Variants in SREK1IP1 observed in about 807,000 individuals in gnomAD.
The protein encoded by SREK1IP1 is protein SREK1IP1.
A neutral mutation model predicts 22.8 loss-of-function variants in SREK1IP1; 12 were observed. The ratio of observed to expected loss-of-function variants is 0.53; its 90% CI spans 0.34 to 0.85. The LOEUF (loss-of-function observed/expected upper bound fraction) is 0.85, where lower values mean the gene tolerates loss of function less well. Ranked by LOEUF, SREK1IP1 falls within the 40% of genes least tolerant of loss-of-function variation. The pLI, the probability that SREK1IP1 is intolerant of heterozygous loss-of-function variation, is 0.02. For synonymous variants in SREK1IP1, 53 were observed against 52.7 expected, an observed-to-expected ratio of 1.01 and a Z score of -0.02; for missense variants, 147 against 171.8, an observed-to-expected ratio of 0.86 and a Z score of 0.81.
Position 64,741,014 on chromosome 5 carries a change from C to G in SREK1IP1, c.205+43G>C, listed in dbSNP as rs1178031232. 8 of 1,550,092 alleles carry G rather than the reference C, an allele frequency of 5.2e-6. No homozygotes were observed. The Admixed American group carries it at 1.4e-4, about 27-fold the overall frequency. On this transcript the variant is annotated intron_variant, in intron 3 of 4. Coordinates refer to ENST00000513458, the MANE Select transcript of SREK1IP1 (RefSeq NM_173829.4). Reference sequence around the variant, plus strand: ...GAAAGCATGATATAATATGACAGAACATTTACAAACATTTCTAAAGAATGG... The same window carrying G: ...GAAAGCATGATATAATATGACAGAAGATTTACAAACATTTCTAAAGAATGG...
chr5:64,718,353 T>A lies in SREK1IP1; in HGVS notation c.*6031A>T, dbSNP rs965948990. 3.3e-5 allele frequency: 6 copies of A among 179,710 alleles called. No individual in the cohort carries two copies. Among genetic ancestry groups the A allele is most frequent in the African/African-American group, 7.1e-5 (3 of 42,092 alleles). The allele number at this position is 179,710 out of a possible 1,614,324, so 11.1% of individuals were successfully genotyped here. On this transcript the variant is annotated 3_prime_UTR_variant, in exon 5 of 5. Transcript: ENST00000513458. ...AGAAGTTTATGTCACATTACCAGCA[T>A]TTCTCAACTTTCTGATACTTACAGG... is the stretch of plus-strand genomic sequence containing the variant.
intron 1 of SREK1IP1, among the ~76,000 whole-genome samples, chr5:64,756,175 C>A (rs886825258): frequency 6.6e-6 from 1 of 152,084 alleles, no homozygotes; most frequent in African/African-American, 2.4e-5. Context: ...AAATAACATA[C>A]AATTTACCAT....
chr5:64,763,667 C>T (rs964024783), intron 1 of SREK1IP1, among the ~76,000 whole-genome samples: 4 of 152,206 alleles, frequency 2.6e-5, no homozygotes, highest in Non-Finnish European at 5.9e-5. Flanking sequence ...ACTATTTCTG[C>T]TCAGCAGCAG....
At chr5:64,756,244 A>G (rs1205673283) in intron 1 of SREK1IP1, among the ~76,000 whole-genome samples, 1 of 152,212 alleles carries the variant, frequency 6.6e-6, no homozygotes, top group Non-Finnish European at 1.5e-5. Flanking sequence ...ATATTGTACA[A>G]CCATCATCAC....
chr5:64,744,515 A>C (rs1742600709), intron 2 of SREK1IP1, among the ~76,000 whole-genome samples: 1 of 152,134 alleles, frequency 6.6e-6, no homozygotes, highest in African/African-American at 2.4e-5. Context: ...GGTAACTAGG[A>C]TACCCACCAC....
rs748734874 is a variant in SREK1IP1, at chr5:64,724,536, T to C, written c.316A>G (p.Lys106Glu). Residue 106 changes from lysine to glutamate, a missense_variant, in exon 5 of 5, where the codon AAA becomes GAA. Physicochemically the swap from Lys to Glu is moderately conservative, Grantham distance 56 (BLOSUM62 1). Transcript: ENST00000513458. ...SSSSTEEDTS[K>E]QKKQKYQKKE... The stretch of plus-strand genomic sequence containing the variant: ...TTCTGATATTTTTGTTTCTTTTGTT[T>C]TGAAGTGTCCTCTTCAGTGGAACTG... The C allele has an allele frequency of 2.5e-6, 4 of 1,586,918 alleles. No homozygotes were observed. Among genetic ancestry groups the C allele is most frequent in the Non-Finnish European group, 3.4e-6 (4 of 1,173,382 alleles).
At chr5:64,744,688 G>A (rs1030466924) in intron 2 of SREK1IP1, among the ~76,000 whole-genome samples, 6 of 152,052 alleles carry the variant, frequency 3.9e-5, no homozygotes, top group Admixed American at 2.6e-4. Flanking sequence ...TTAGTTTTAT[G>A]TGTAGTTTTA....
intron 1 of SREK1IP1, among the ~76,000 whole-genome samples, chr5:64,766,261 A>G (rs970560674): frequency 6.6e-6 from 1 of 152,176 alleles, no homozygotes; most frequent in Non-Finnish European, 1.5e-5. Flanking sequence ...CAAGCCCCAG[A>G]CTGGATGTCA....
chr5:64,750,884 C>T (rs1361988655), intron 2 of SREK1IP1, among the ~76,000 whole-genome samples: 1 of 151,972 alleles, frequency 6.6e-6, no homozygotes, highest in Non-Finnish European at 1.5e-5. Flanking sequence ...CAGTCTATAC[C>T]AACATTTTAT....
intron 1 of SREK1IP1, among the ~76,000 whole-genome samples, chr5:64,761,067 A>G (rs1252027545): frequency 6.6e-6 from 1 of 152,246 alleles, no homozygotes; most frequent in Non-Finnish European, 1.5e-5. Flanking sequence ...TAAATTCTTC[A>G]GAGAGGTTAC....
In SREK1IP1 at chr5:64,722,581, T is replaced by C. The variant is rs919402004; in HGVS notation, c.*1803A>G. On this transcript the variant is annotated 3_prime_UTR_variant, in exon 5 of 5. Coordinates refer to ENST00000513458, the MANE Select transcript of SREK1IP1 (RefSeq NM_173829.4). Reference sequence around the variant, plus strand: ...AAAGCTTTATATTAAAAACCGATTTTTAAAATCTTGATAATCGAAGAATAT... The same window carrying C: ...AAAGCTTTATATTAAAAACCGATTTCTAAAATCTTGATAATCGAAGAATAT... 2.6e-5 allele frequency: 4 copies of C among 152,228 alleles called. No homozygotes were observed. Among genetic ancestry groups the C allele is most frequent in the African/African-American group, 4.8e-5 (2 of 41,454 alleles). 9.4% of individuals were successfully genotyped at this position (152,228 alleles called of 1,614,324 possible).
At chr5:64,758,742 C>T (rs189527514) in intron 1 of SREK1IP1, among the ~76,000 whole-genome samples, 109 of 152,312 alleles carry the variant, frequency 7.2e-4, no homozygotes, top group African/African-American at 2.3e-3. Context: ...ACAAAAGGCA[C>T]TGATAAATTC....
At chr5:64,746,563 G>A (rs1380265389) in intron 2 of SREK1IP1, among the ~76,000 whole-genome samples, 1 of 152,082 alleles carries the variant, frequency 6.6e-6, no homozygotes, top group East Asian at 1.9e-4. Flanking sequence ...AATACAAATG[G>A]TGAATAAGCA....
At chr5:64,759,110 G>A (rs995772985) in intron 1 of SREK1IP1, among the ~76,000 whole-genome samples, 3 of 152,166 alleles carry the variant, frequency 2.0e-5, no homozygotes, top group Non-Finnish European at 4.4e-5. Context: ...GGCAGTAGCA[G>A]CCCTAACCAG....
chr5:64,751,732 G>T (rs1436120902), intron 2 of SREK1IP1, among the ~76,000 whole-genome samples: 2 of 152,192 alleles, frequency 1.3e-5, no homozygotes, highest in Non-Finnish European at 2.9e-5. Flanking sequence ...GAGAATTAAT[G>T]ATAAATTTCT....
chr5:64,733,965 G>A (rs1440404614), intron 3 of SREK1IP1, among the ~76,000 whole-genome samples: 3 of 152,034 alleles, frequency 2.0e-5, no homozygotes, highest in Non-Finnish European at 4.4e-5. Flanking sequence ...GCTTAGGAAC[G>A]TGGTGAGGGC....
intron 1 of SREK1IP1, among the ~76,000 whole-genome samples, chr5:64,759,515 A>T (rs1742908747): frequency 6.6e-6 from 1 of 152,198 alleles, no homozygotes; most frequent in African/African-American, 2.4e-5. Flanking sequence ...AAAACTTATA[A>T]ATTTGACATT....
intron 2 of SREK1IP1, among the ~76,000 whole-genome samples, chr5:64,745,131 T>G (rs945182773): frequency 6.6e-6 from 1 of 152,234 alleles, no homozygotes. Flanking sequence ...TTGAGCTCAT[T>G]TTCTTGTCTA....
intron 1 of SREK1IP1, among the ~76,000 whole-genome samples, chr5:64,759,796 T>C (rs1483080070): frequency 2.0e-5 from 3 of 152,154 alleles, no homozygotes; most frequent in African/African-American, 4.8e-5. Flanking sequence ...AAAACTATAC[T>C]GGGATTCCAT....
Sources: gnomAD v4.1 joint callset for allele counts (sites outside exome capture counted in the v4.1 genomes callset) on GRCh38, gnomAD v4.1.1 for gene constraint, MANE v1.5 for transcripts, NCBI Gene and HGNC (gene_info 2026-07-23, HGNC 2026-07-21) for gene names.